Variants in FAM222B observed in about 807,000 individuals in gnomAD.
FAM222B encodes family with sequence similarity 222 member B.
In FAM222B, 12 loss-of-function variants were observed where a neutral mutation model predicts 38.0. That is an observed-to-expected ratio of 0.32 (90% CI 0.20 to 0.51). FAM222B has a LOEUF of 0.51. FAM222B is among the 20% of genes least tolerant of loss of function. The probability of loss-of-function intolerance (pLI) is 0.97; values close to 1 mark genes in which losing one functional copy is unlikely to be tolerated. For synonymous variants in FAM222B, 329 were observed against 317.2 expected, an observed-to-expected ratio of 1.04 and a Z score of -0.40; for missense variants, 716 against 754.2, an observed-to-expected ratio of 0.95 and a Z score of 0.59.
In FAM222B at chr17:28,758,869, T is replaced by G. The variant is rs774902821; in HGVS notation, c.1090A>C (p.Thr364Pro). 1.2e-6 allele frequency: 2 copies of G among 1,606,772 alleles called. No individual in the cohort carries two copies. Among genetic ancestry groups the G allele is most frequent in the African/African-American group, 2.7e-5 (2 of 74,812 alleles). ...TGYPSDLKPV[T>P]WNQHQLAHLQ... ...TGGGCCAGCTGGTGCTGGTTCCAGG[T>G]GACTGGCTTGAGGTCGCTAGGGTAG... The change falls in exon 3 of 3, where the codon ACC (threonine) becomes CCC (proline). Residue 364 changes from threonine (T) to proline (P), a missense_variant. Thr to Pro is a conservative substitution (Grantham distance 38). Transcript: ENST00000581407.
chr17:28,768,515 G>A (rs939564058), intron 1 of FAM222B, among the ~76,000 whole-genome samples: 1 of 151,904 alleles, frequency 6.6e-6, no homozygotes, highest in African/African-American at 2.4e-5. Flanking sequence ...AATGAACACA[G>A]TGAGCCAACT....
chr17:28,765,737 G>A (rs1023408332), intron 2 of FAM222B, among the ~76,000 whole-genome samples: 1 of 152,176 alleles, frequency 6.6e-6, no homozygotes, highest in Non-Finnish European at 1.5e-5. Flanking sequence ...GTTAAGACAA[G>A]AATCTAACAG....
chr17:28,845,253 T>C (rs2039137132), upstream of FAM222B, among the ~76,000 whole-genome samples: 1 of 151,500 alleles, frequency 6.6e-6, no homozygotes, highest in Non-Finnish European at 1.5e-5. Context: ...TATAAAAAAT[T>C]AGCCGGGCAT....
intron 1 of FAM222B, among the ~76,000 whole-genome samples, chr17:28,785,941 C>T (rs1257399472): frequency 6.6e-6 from 1 of 152,122 alleles, no homozygotes; most frequent in African/African-American, 2.4e-5. Context: ...ATCTCCTCTC[C>T]GCCTGCCTTG....
At chr17:28,837,443 A>T (rs1025323173) in intron 1 of FAM222B, among the ~76,000 whole-genome samples, 4 of 151,634 alleles carry the variant, frequency 2.6e-5, no homozygotes, top group Non-Finnish European at 4.4e-5. Context: ...AAAAAAAAAA[A>T]TAAATAAATA....
intron 1 of FAM222B, among the ~76,000 whole-genome samples, chr17:28,779,975 C>CTTT (rs201541427): frequency 3.5e-5 from 5 of 144,424 alleles, no homozygotes; most frequent in Admixed American, 1.4e-4. Flanking sequence ...ACTCTAGCCA[C>CTTT]TTTTTTTTTT....
At chr17:28,771,919 TGGTGGC>T (rs1344698710) in intron 1 of FAM222B, among the ~76,000 whole-genome samples, 3 of 152,006 alleles carry the variant, frequency 2.0e-5, no homozygotes, top group Non-Finnish European at 4.4e-5. Context: ...GCCAGGTGTT[TGGTGGC>T]GGGCACCTGC....
chr17:28,776,747 G>A (rs994223058), intron 1 of FAM222B, among the ~76,000 whole-genome samples: 2 of 151,918 alleles, frequency 1.3e-5, no homozygotes, highest in African/African-American at 4.8e-5. Flanking sequence ...TATGAGCCTC[G>A]GTGCCAGCCA....
At chr17:28,775,686 G>T (rs1337036680) in intron 1 of FAM222B, among the ~76,000 whole-genome samples, 3 of 151,750 alleles carry the variant, frequency 2.0e-5, no homozygotes, top group Non-Finnish European at 4.4e-5. Context: ...TTCGTGACCA[G>T]CCTGGCCAAC....
chr17:28,837,947 C>T (rs2038905591), intron 1 of FAM222B, among the ~76,000 whole-genome samples: 1 of 152,072 alleles, frequency 6.6e-6, no homozygotes, highest in Non-Finnish European at 1.5e-5. Context: ...GCCAACATGT[C>T]CGACCAATAA....
intron 1 of FAM222B, among the ~76,000 whole-genome samples, chr17:28,796,976 C>T (rs1245268814): frequency 6.7e-6 from 1 of 148,608 alleles, no homozygotes; most frequent in Non-Finnish European, 1.5e-5. Flanking sequence ...ATGGTAGAAG[C>T]CAGTTAAGTG....
intron 1 of FAM222B, among the ~76,000 whole-genome samples, chr17:28,785,857 G>C (rs1014830216): frequency 6.6e-6 from 1 of 152,142 alleles, no homozygotes; most frequent in South Asian, 2.1e-4. Context: ...ACAGGTGCCT[G>C]CCACCATGCC....
chr17:28,781,824 A>C (rs2151841992), intron 1 of FAM222B, among the ~76,000 whole-genome samples: 1 of 152,352 alleles, frequency 6.6e-6, no homozygotes, highest in Admixed American at 6.5e-5. Flanking sequence ...GTGGAATCTA[A>C]AAAAGTCAAA....
At chr17:28,793,229 C>T (rs2036783514) in intron 1 of FAM222B, among the ~76,000 whole-genome samples, 1 of 152,114 alleles carries the variant, frequency 6.6e-6, no homozygotes, top group Non-Finnish European at 1.5e-5. Context: ...AGCCACCATG[C>T]CCACCCCATG....
In FAM222B at chr17:28,759,244, G is replaced by C. The variant is rs1019814428; in HGVS notation, c.715C>G (p.Pro239Ala). Residue 239 changes from proline to alanine, a missense_variant, in exon 3 of 3, where the codon CCC (proline) becomes GCC (alanine). Coordinates refer to ENST00000581407, the MANE Select transcript of FAM222B (RefSeq NM_001077498.3). The surrounding 1 kb of genome is among the most constrained non-coding windows in gnomAD (Gnocchi z 4.8). ...GAGGTAGACACGGTCACATTCGGGGGGGCATCTGAGTCTGGCATCTTCCGG... is the reference window on the plus strand; with the variant it reads ...GAGGTAGACACGGTCACATTCGGGGCGGCATCTGAGTCTGGCATCTTCCGG... ...GGRKMPDSDAPPNVTVSTSTI... is the reference protein window; with the variant it reads ...GGRKMPDSDAAPNVTVSTSTI... 6.2e-7 allele frequency: 1 copy of C among 1,613,652 alleles called. No individual in the cohort carries two copies. Among genetic ancestry groups the C allele is most frequent in the Non-Finnish European group, 8.5e-7 (1 of 1,179,784 alleles).
At chr17:28,810,990 A>C (rs2037732734) in intron 1 of FAM222B, among the ~76,000 whole-genome samples, 1 of 152,180 alleles carries the variant, frequency 6.6e-6, no homozygotes, top group South Asian at 2.1e-4. Flanking sequence ...AGTTACAACA[A>C]TCGTGGGAAA....
At chr17:28,813,852 A>G (rs1380291982) in intron 1 of FAM222B, among the ~76,000 whole-genome samples, 1 of 151,762 alleles carries the variant, frequency 6.6e-6, no homozygotes, top group Non-Finnish European at 1.5e-5. Context: ...GGCATGGAAT[A>G]GGACATTTTA....
Position 28,757,618 on chromosome 17 carries a change from C to A in FAM222B, c.*652G>T, listed in dbSNP as rs1197225657. 1 of 152,044 alleles carries A rather than the reference C, an allele frequency of 6.6e-6. No homozygotes were observed. Among genetic ancestry groups the A allele is most frequent in the Non-Finnish European group, 1.5e-5 (1 of 68,014 alleles). The allele number at this position is 152,044 out of a possible 1,614,324, so 9.4% of individuals were successfully genotyped here. On this transcript the variant is annotated 3_prime_UTR_variant, in exon 3 of 3. Transcript: ENST00000581407. The stretch of plus-strand genomic sequence containing the variant: ...AGATGCCAATACAAAGACTTTTTCC[C>A]CCCATATCTCAAGAAATGGTCAAAT...
At chr17:28,832,512 G>A (rs1004942903) in intron 1 of FAM222B, among the ~76,000 whole-genome samples, 3 of 152,020 alleles carry the variant, frequency 2.0e-5, no homozygotes, top group African/African-American at 4.8e-5. Flanking sequence ...CACCTAAATC[G>A]TACACATCCT....
Sources: allele counts gnomAD v4.1 joint callset (sites outside exome capture counted in the v4.1 genomes callset), GRCh38; gene constraint gnomAD v4.1.1; non-coding constraint Gnocchi (gnomAD v3.1); transcripts MANE v1.5; gene names NCBI Gene and HGNC (gene_info 2026-07-23, HGNC 2026-07-21).